The following EAF2 variants were observed in gnomAD, a reference collection of about 807,000 sequenced individuals.
EAF2 encodes ELL-associated factor 2.
A neutral mutation model predicts 29.4 loss-of-function variants in EAF2; 29 were observed. The ratio of observed to expected loss-of-function variants is 0.99; its 90% CI spans 0.73 to 1.35. EAF2 has a LOEUF of 1.35. Ranked by LOEUF, EAF2 falls within the 40% of genes most tolerant of loss-of-function variation. The pLI, the probability that EAF2 is intolerant of heterozygous loss-of-function variation, is 0.00. For synonymous variants in EAF2, 103 were observed against 102.5 expected (o/e 1.00, Z -0.03); for missense variants, 292 against 312.0 (o/e 0.94, Z 0.48).
intron 5 of EAF2, 28 bp downstream of exon 5, chr3:121,872,816 G>A (rs1576654848): frequency 6.3e-7 from 1 of 1,584,090 alleles, no homozygotes; most frequent in Non-Finnish European, 8.6e-7. Flanking sequence ...CAGGCAATTG[G>A]AAAAGTAAGA....
intron 1 of EAF2, among the ~76,000 whole-genome samples, chr3:121,838,088 T>C (rs1189885924): frequency 6.6e-6 from 1 of 152,194 alleles, no homozygotes; most frequent in African/African-American, 2.4e-5. Context: ...TGGATTCTTA[T>C]GAAAATATTG....
intron 5 of EAF2, among the ~76,000 whole-genome samples, chr3:121,879,471 C>A (rs1169653048): frequency 6.6e-6 from 1 of 152,058 alleles, no homozygotes; most frequent in East Asian, 1.9e-4. Flanking sequence ...CCAGATTAAT[C>A]TCTTAGAATG....
intron 4 of EAF2, among the ~76,000 whole-genome samples, chr3:121,860,765 G>A (rs969036074): frequency 4.6e-5 from 7 of 151,928 alleles, no homozygotes; most frequent in African/African-American, 7.3e-5. Flanking sequence ...GTGATGTTAC[G>A]GTGTCGATTT....
chr3:121,879,251 G>T (rs1312247453), intron 5 of EAF2, among the ~76,000 whole-genome samples: 1 of 152,090 alleles, frequency 6.6e-6, no homozygotes, highest in Non-Finnish European at 1.5e-5. Flanking sequence ...TTTGGCCATT[G>T]AGTTGTTTGA....
chr3:121,835,516 G>A (rs904107654), intron 1 of EAF2, 125 bp downstream of exon 1: 2 of 850,992 alleles, frequency 2.4e-6, no homozygotes, highest in Non-Finnish European at 3.7e-6. Flanking sequence ...GGCGGGGAGG[G>A]GGGAGGCAGC....
At position 121,835,351 on chromosome 3, in the gene EAF2, T is replaced by G; in HGVS notation, c.66T>G (p.Ser22Arg). ...AGCGGGTTCTCAAGTTAGGGGAGAG[T>G]TTCGAGAAGCAGCCGCGCTGCGCCT... ...RRERVLKLGE[S>R]FEKQPRCAFH... is the part of the protein sequence containing the mutation. The change falls in exon 1 of 6, where the codon AGT (serine) becomes AGG (arginine). Residue 22 changes from serine to arginine, a missense_variant. Coordinates refer to ENST00000273668, the MANE Select transcript of EAF2 (RefSeq NM_018456.6). 1 of 1,612,336 alleles carries G rather than the reference T, an allele frequency of 6.2e-7. No individual in the cohort carries two copies. Among genetic ancestry groups the G allele is most frequent in the Non-Finnish European group, 8.5e-7 (1 of 1,179,492 alleles).
At chr3:121,837,357 C>G (rs951187031) in intron 1 of EAF2, 1 of 151,986 alleles carries the variant, frequency 6.6e-6, no homozygotes, top group African/African-American at 2.4e-5. Context: ...TAAGGGGGAC[C>G]TAATTTATAA....
chr3:121,842,266 T>C (rs567380030), intron 1 of EAF2, among the ~76,000 whole-genome samples: 11 of 152,188 alleles, frequency 7.2e-5, no homozygotes, highest in Non-Finnish European at 1.0e-4. Flanking sequence ...CGATAACTTA[T>C]TTATAAATAG....
rs139879347 is a variant in EAF2 at position 121,844,080 on chromosome 3, G to C, written c.107-373G>C. On this transcript the variant is annotated intron_variant, in intron 1 of 5. Coordinates refer to ENST00000273668, the MANE Select transcript of EAF2 (RefSeq NM_018456.6). ...TGACATAAAAAAGAAAAATTTATTG[G>C]AAAAAAGGACTGAAAATTGAAAACA... Among the ~76,000 whole-genome samples the C allele has an allele frequency of 3.3e-5, 5 of 152,090 alleles. No individual in the cohort carries two copies. In the East Asian group the frequency reaches 9.6e-4, roughly 29 times the overall value.
chr3:121,863,177 C>T (rs1708863893), intron 4 of EAF2, among the ~76,000 whole-genome samples: 1 of 152,210 alleles, frequency 6.6e-6, no homozygotes, highest in African/African-American at 2.4e-5. Context: ...TGTCCGTTCT[C>T]AGATCTCAAA....
intron 5 of EAF2, among the ~76,000 whole-genome samples, chr3:121,877,320 C>T (rs1269202831): frequency 6.6e-6 from 1 of 151,682 alleles, no homozygotes; most frequent in Non-Finnish European, 1.5e-5. Flanking sequence ...AGAAAAAATT[C>T]AGTAAGGGTA....
chr3:121,866,216 C>T (rs1239153546), intron 4 of EAF2, among the ~76,000 whole-genome samples: 9 of 152,072 alleles, frequency 5.9e-5, no homozygotes, highest in African/African-American at 1.7e-4. Context: ...CAGGGATCAT[C>T]GGGGACCCTA....
chr3:121,852,591 C>T (rs1708650994), intron 2 of EAF2, among the ~76,000 whole-genome samples: 1 of 152,114 alleles, frequency 6.6e-6, no homozygotes, highest in Non-Finnish European at 1.5e-5. Flanking sequence ...ATAATTTTCC[C>T]TCCATACCTT....
intron 4 of EAF2, among the ~76,000 whole-genome samples, chr3:121,858,328 C>T (rs1479517448): frequency 1.3e-5 from 2 of 152,220 alleles, no homozygotes; most frequent in Non-Finnish European, 1.5e-5. Flanking sequence ...TCTCTAGCAC[C>T]TGTTGTTTCC....
At chr3:121,883,260 A>T (rs1169208049) in intron 5 of EAF2, among the ~76,000 whole-genome samples, 2 of 152,164 alleles carry the variant, frequency 1.3e-5, no homozygotes, top group African/African-American at 2.4e-5. Context: ...CATATATATT[A>T]AAAAATTGCG....
chr3:121,838,324 A>G (rs1708342189), intron 1 of EAF2, among the ~76,000 whole-genome samples: 1 of 152,190 alleles, frequency 6.6e-6, no homozygotes, highest in Admixed American at 6.5e-5. Flanking sequence ...GAAATGAACT[A>G]TTTAGTCTGG....
chr3:121,861,481 A>G (rs950023947), intron 4 of EAF2, among the ~76,000 whole-genome samples: 1 of 152,104 alleles, frequency 6.6e-6, no homozygotes. Flanking sequence ...GTCAGGGACT[A>G]GGATTGCAAC....
chr3:121,851,958 G>T (rs1022090203), intron 2 of EAF2, among the ~76,000 whole-genome samples: 1 of 152,170 alleles, frequency 6.6e-6, no homozygotes, highest in Admixed American at 6.5e-5. Flanking sequence ...AAGCTTAAAA[G>T]TTAGGAATGG....
intron 5 of EAF2, among the ~76,000 whole-genome samples, chr3:121,885,994 CA>C (rs1364929341): frequency 1.3e-5 from 2 of 151,690 alleles, no homozygotes; most frequent in Admixed American, 6.6e-5. Flanking sequence ...AAAAAAATAA[CA>C]TTTTTTTCAC....
Sources: gnomAD v4.1 joint callset for allele counts (sites outside exome capture counted in the v4.1 genomes callset) on GRCh38, gnomAD v4.1.1 for gene constraint, MANE v1.5 for transcripts, NCBI Gene and HGNC (gene_info 2026-07-23, HGNC 2026-07-21) for gene names.